The following SLC35F4 variants were observed in gnomAD, a reference collection of about 807,000 sequenced individuals.
The protein encoded by SLC35F4 is chromosome 14 open reading frame 36.
SLC35F4 carries 24 observed loss-of-function variants against 44.2 expected under a neutral mutation model. That is an observed-to-expected ratio of 0.54 (90% CI 0.39 to 0.76). The LOEUF is 0.76. SLC35F4 is among the 30% of genes least tolerant of loss of function. The pLI is 0.00. For synonymous variants in SLC35F4, 238 were observed against 223.6 expected (o/e 1.06, Z -0.57); for missense variants, 562 against 586.1 (o/e 0.96, Z 0.42).
chr14:57,585,520 G>A (rs964941637), intron 3 of SLC35F4, among the ~76,000 whole-genome samples: 1 of 151,998 alleles, frequency 6.6e-6, no homozygotes, highest in Admixed American at 6.6e-5. Flanking sequence ...AAAAATAAAG[G>A]GTATCCAAGT....
intron 1 of SLC35F4, among the ~76,000 whole-genome samples, chr14:57,884,581 T>C (rs1255618865): frequency 6.6e-6 from 1 of 152,174 alleles, no homozygotes; most frequent in Non-Finnish European, 1.5e-5. Context: ...AAGCTTCTAA[T>C]GTATTACACA....
chr14:57,824,418 T>C (rs1444702779), intron 1 of SLC35F4, among the ~76,000 whole-genome samples: 2 of 152,110 alleles, frequency 1.3e-5, no homozygotes, highest in African/African-American at 2.4e-5. Context: ...GATAGATAGA[T>C]AGATACATAC....
At chr14:57,882,345 C>A (rs1377923269) in intron 1 of SLC35F4, among the ~76,000 whole-genome samples, 1 of 152,150 alleles carries the variant, frequency 6.6e-6, no homozygotes, top group East Asian at 1.9e-4. Context: ...CTCTGTCCCA[C>A]CCACCTCCCA....
At chr14:57,715,006 C>T (rs1187985726) in intron 1 of SLC35F4, among the ~76,000 whole-genome samples, 1 of 152,004 alleles carries the variant, frequency 6.6e-6, no homozygotes, top group Non-Finnish European at 1.5e-5. Context: ...GAGTCAAAGA[C>T]TGAGTAGAAG....
intron 1 of SLC35F4, among the ~76,000 whole-genome samples, chr14:57,800,960 G>T (rs1409056795): frequency 6.6e-6 from 1 of 152,206 alleles, no homozygotes; most frequent in Non-Finnish European, 1.5e-5. Context: ...ATATCATCCA[G>T]AAGAACTTCC....
chr14:57,803,582 C>CTT (rs532690276), intron 1 of SLC35F4, among the ~76,000 whole-genome samples: 1,147 of 79,168 alleles, frequency 0.014, 2 homozygotes, highest in Non-Finnish European at 0.018. Flanking sequence ...AAAGCTTCTT[C>CTT]TTTTTTTTTT....
intron 1 of SLC35F4, among the ~76,000 whole-genome samples, chr14:57,912,882 T>A (rs2141052488): frequency 6.6e-6 from 1 of 152,186 alleles, no homozygotes; most frequent in East Asian, 1.9e-4. Flanking sequence ...TAACTATAAC[T>A]ATGGATTCAC....
At position 57,747,769 on chromosome 14, in the gene SLC35F4, C is replaced by T. The variant is rs141219341; in HGVS notation, c.103+117954G>A. Among the ~76,000 whole-genome samples, 370 of 152,180 alleles carry T rather than the reference C, an allele frequency of 2.4e-3. 1 individual carries two copies. The highest frequency in any genetic ancestry group is 8.1e-3 in the African/African-American group (335 of 41,528). On this transcript the variant is annotated intron_variant, in intron 1 of 7. Coordinates refer to ENST00000556826, the MANE Select transcript of SLC35F4 (RefSeq NM_001306087.2). ...CTTGATGTCATTAAATATTCAACTC[C>T]AACTACTTTTTGCATAATTATATAC...
rs915880430 is a variant in SLC35F4, at chr14:57,885,105, C to A, written n.282+96808G>T. On this transcript the variant is annotated intron_variant and non_coding_transcript_variant, in intron 1 of 1. Transcript: ENST00000556568. ...TAGGCATGGTGGCCTGTGGAGAGAC[C>A]CAAAGAGGCTCCTGCCCCCAACACA... Among the ~76,000 whole-genome samples, 8 of 151,982 alleles carry A rather than the reference C, an allele frequency of 5.3e-5. No individual in the cohort carries two copies. The South Asian group carries it at 8.3e-4, about 16-fold the overall frequency.
At chr14:57,977,774 C>T (rs923838642) in intron 1 of SLC35F4, among the ~76,000 whole-genome samples, 4 of 152,072 alleles carry the variant, frequency 2.6e-5, no homozygotes, top group Admixed American at 2.6e-4. Flanking sequence ...AGATGAGTGC[C>T]GACTATAAAT....
In SLC35F4 at chr14:57,589,458, C is replaced by G. The variant is rs2070015385; in HGVS notation, c.345G>C (p.Lys115Asn). ...TGGACGTGCAGGACAGGCAGCGAGC[C>G]TTGATTCTGTTTTCTTGGCTGCTGT... ...SENSSQENRIKARCLSCTSMV... is the reference protein window; with the variant it reads ...SENSSQENRINARCLSCTSMV... The change falls in exon 3 of 8, where the codon AAG (lysine) becomes AAC (asparagine). Residue 115 changes from lysine to asparagine, a missense_variant. Transcript: ENST00000556826. 6.2e-7 allele frequency: 1 copy of G among 1,613,736 alleles called. No individual in the cohort carries two copies. Among genetic ancestry groups the G allele is most frequent in the Non-Finnish European group, 8.5e-7 (1 of 1,179,840 alleles).
At chr14:57,827,781 C>T (rs1351841195) in intron 1 of SLC35F4, among the ~76,000 whole-genome samples, 1 of 142,946 alleles carries the variant, frequency 7.0e-6, no homozygotes, top group African/African-American at 2.8e-5. Flanking sequence ...TAAGGCAATA[C>T]TTCCCTTCAC....
At chr14:57,806,814 G>T (rs1160677537) in intron 1 of SLC35F4, among the ~76,000 whole-genome samples, 1 of 152,190 alleles carries the variant, frequency 6.6e-6, no homozygotes, top group Non-Finnish European at 1.5e-5. Flanking sequence ...CATTGCAAAT[G>T]TAATTTTGAA....
chr14:57,566,308 G>T (rs2068203878), intron 7 of SLC35F4, among the ~76,000 whole-genome samples, 167 bp downstream of exon 7: 1 of 152,166 alleles, frequency 6.6e-6, no homozygotes, highest in African/African-American at 2.4e-5. Context: ...TTTTAAATCT[G>T]CTGCATAGTT....
At chr14:57,789,369 T>A (rs1308992282) in intron 1 of SLC35F4, among the ~76,000 whole-genome samples, 1 of 152,072 alleles carries the variant, frequency 6.6e-6, no homozygotes, top group Non-Finnish European at 1.5e-5. Context: ...CATAAACACT[T>A]CTATGCAAAT....
intron 1 of SLC35F4, among the ~76,000 whole-genome samples, chr14:57,957,736 G>A (rs1390025156): frequency 6.6e-6 from 1 of 152,200 alleles, no homozygotes; most frequent in Non-Finnish European, 1.5e-5. Flanking sequence ...TCAGTTAGAT[G>A]TGGCTTGAAT....
At chr14:57,900,655 G>A (rs1888980323) in intron 1 of SLC35F4, among the ~76,000 whole-genome samples, 2 of 152,152 alleles carry the variant, frequency 1.3e-5, no homozygotes, top group Admixed American at 6.5e-5. Context: ...AAAAGCAATT[G>A]CAACAAAAGC....
intron 1 of SLC35F4, among the ~76,000 whole-genome samples, chr14:57,750,843 T>C (rs2140560160): frequency 6.6e-6 from 1 of 152,280 alleles, no homozygotes; most frequent in South Asian, 2.1e-4. Context: ...TGTGGTTAAT[T>C]TGTAGGCAGT....
intron 1 of SLC35F4, among the ~76,000 whole-genome samples, chr14:57,949,828 T>C (rs1890102986): frequency 6.6e-6 from 1 of 152,196 alleles, no homozygotes; most frequent in Non-Finnish European, 1.5e-5. Flanking sequence ...GACAATTATT[T>C]TGTTTAAGGA....
Sources: allele counts gnomAD v4.1 joint callset (sites outside exome capture counted in the v4.1 genomes callset), GRCh38; gene constraint gnomAD v4.1.1; transcripts MANE v1.5; gene names NCBI Gene and HGNC (gene_info 2026-07-23, HGNC 2026-07-21).